The following SERPINI1 variants were observed in gnomAD, a reference collection of about 807,000 sequenced individuals.
SERPINI1 encodes neuroserpin.
In SERPINI1, 19 loss-of-function variants were observed where a neutral mutation model predicts 41.1. The observed-to-expected ratio is 0.46, with a 90% CI of 0.32 to 0.68. The LOEUF is 0.68. Ranked by LOEUF, SERPINI1 falls within the 30% of genes least tolerant of loss-of-function variation. SERPINI1 has a pLI of 0.03. For missense variants in SERPINI1, 460 were observed against 479.2 expected (o/e 0.96, Z 0.37); for synonymous variants, 138 against 156.6 (o/e 0.88, Z 0.89).
chr3:167,769,475 T>C (rs1469059633), intron 1 of SERPINI1, among the ~76,000 whole-genome samples: 1 of 152,240 alleles, frequency 6.6e-6, no homozygotes, highest in Non-Finnish European at 1.5e-5. Flanking sequence ...TTTTTGACTA[T>C]TTAAAGATCT....
rs1157930152 is a variant in SERPINI1 at position 167,772,881 on chromosome 3, TATATATATATATACACACACACAC to T, written c.-18-16228_-18-16205del. ...CTCTCTCTCTATATATATATATATA[TATATATATATATACACACACACAC>T]ACACACACACACACACATGCATATA... On this transcript the variant is annotated intron_variant, in intron 1 of 8. Transcript: ENST00000446050. 1.1e-3 allele frequency among the ~76,000 whole-genome samples: 77 copies of T among 68,720 alleles called. 5 individuals carry two copies. The highest frequency in any genetic ancestry group is 4.5e-3 in the African/African-American group (68 of 14,974). 45.1% of individuals were successfully genotyped at this position (68,720 alleles called of 152,430 possible). A position where few individuals can be genotyped will look rare whatever the true frequency, so the allele number is the denominator to read the frequency against.
chr3:167,800,229 T>A (rs1727857797), intron 5 of SERPINI1: 1 of 152,074 alleles, frequency 6.6e-6, no homozygotes, highest in Non-Finnish European at 1.5e-5. Context: ...CTTCCATTTA[T>A]CCATGGTAGC....
At chr3:167,799,140 C>T (rs1407156091) in intron 5 of SERPINI1, among the ~76,000 whole-genome samples, 1 of 151,906 alleles carries the variant, frequency 6.6e-6, no homozygotes, top group Non-Finnish European at 1.5e-5. Context: ...TTTGCTGCAC[C>T]CATCAACCCA....
intron 1 of SERPINI1, among the ~76,000 whole-genome samples, chr3:167,771,832 C>CGT (rs1302651144): frequency 5.9e-5 from 9 of 151,560 alleles, no homozygotes; most frequent in African/African-American, 2.2e-4. Flanking sequence ...TGTGTGTGTG[C>CGT]GCGTGTGTGT....
At chr3:167,815,748 G>GC (rs1712060412) in intron 6 of SERPINI1, among the ~76,000 whole-genome samples, 1 of 152,090 alleles carries the variant, frequency 6.6e-6, no homozygotes, top group Non-Finnish European at 1.5e-5. Flanking sequence ...TTTTCTGAAG[G>GC]CTGATTGTCT....
At position 167,759,305 on chromosome 3, in the gene SERPINI1, G is replaced by A. The variant is rs192082007; in HGVS notation, c.-19+23482G>A. Among the ~76,000 whole-genome samples, 469 of 150,908 alleles carry A rather than the reference G, an allele frequency of 3.1e-3. 2 individuals carry two copies. Among genetic ancestry groups the A allele is most frequent in the African/African-American group, 0.011 (451 of 41,064 alleles). ...GGAAAATAAATCATTTTATCAAAAA[G>A]ACACCTTACTCATATGTTTATCACA... is the stretch of plus-strand genomic sequence containing the variant. On this transcript the variant is annotated intron_variant, in intron 1 of 8. Coordinates refer to ENST00000446050, the MANE Select transcript of SERPINI1 (RefSeq NM_001122752.2).
In SERPINI1 at chr3:167,771,590, C is replaced by G. The variant is rs1295618771; in HGVS notation, c.-18-17521C>G. 3.9e-5 allele frequency among the ~76,000 whole-genome samples: 6 copies of G among 152,162 alleles called. No individual in the cohort carries two copies. The East Asian group carries it at 1.2e-3, about 29-fold the overall frequency. On this transcript the variant is annotated intron_variant, in intron 1 of 8. Coordinates refer to ENST00000446050, the MANE Select transcript of SERPINI1 (RefSeq NM_001122752.2). ...CTATATACCTTTTTATAACTTTTGC[C>G]TTTGTGCTCTGTTAGTGTTTTACCT...
At chr3:167,817,003 A>G (rs1289336322) in intron 6 of SERPINI1, among the ~76,000 whole-genome samples, 2 of 152,000 alleles carry the variant, frequency 1.3e-5, no homozygotes, top group Non-Finnish European at 2.9e-5. Flanking sequence ...CTGAGCAGGT[A>G]TGGAGGTTTG....
At chr3:167,811,359 C>G (rs1438802324) in intron 6 of SERPINI1, among the ~76,000 whole-genome samples, 1 of 149,544 alleles carries the variant, frequency 6.7e-6, no homozygotes, top group Non-Finnish European at 1.5e-5. Context: ...AAATCCTATA[C>G]TGGAGAAAGC....
chr3:167,804,940 A>G (rs1026556132), intron 5 of SERPINI1, among the ~76,000 whole-genome samples: 2 of 152,184 alleles, frequency 1.3e-5, no homozygotes, highest in African/African-American at 2.4e-5. Flanking sequence ...GGAAGAGTCC[A>G]TATTAAGACC....
chr3:167,776,597 A>G (rs180907961), intron 1 of SERPINI1, among the ~76,000 whole-genome samples: 88 of 152,318 alleles, frequency 5.8e-4, no homozygotes, highest in Non-Finnish European at 9.1e-4. Flanking sequence ...TAAACACTTG[A>G]ATTATGGGCT....
intron 1 of SERPINI1, among the ~76,000 whole-genome samples, chr3:167,737,027 G>C (rs1019997511): frequency 6.6e-6 from 1 of 151,674 alleles, no homozygotes; most frequent in African/African-American, 2.4e-5. Context: ...TTAATAACCA[G>C]GGTCAATAAA....
chr3:167,797,750 T>TA (rs1553775230), intron 5 of SERPINI1, among the ~76,000 whole-genome samples: 4 of 151,582 alleles, frequency 2.6e-5, no homozygotes, highest in African/African-American at 4.8e-5. Context: ...GTTTTTTTTT[T>TA]ATGTATGATA....
intron 5 of SERPINI1, among the ~76,000 whole-genome samples, chr3:167,801,801 C>A (rs1255991757): frequency 6.6e-6 from 1 of 152,010 alleles, no homozygotes; most frequent in Admixed American, 6.6e-5. Context: ...CAATAGTTTG[C>A]TTTTTAAAAA....
chr3:167,818,460 C>T (rs1712199902), intron 6 of SERPINI1, among the ~76,000 whole-genome samples: 1 of 151,976 alleles, frequency 6.6e-6, no homozygotes, highest in African/African-American at 2.4e-5. Flanking sequence ...ACATTTACTG[C>T]AGAAAATTAT....
chr3:167,779,860 G>A (rs1263026640), intron 1 of SERPINI1, among the ~76,000 whole-genome samples: 1 of 152,078 alleles, frequency 6.6e-6, no homozygotes, highest in Non-Finnish European at 1.5e-5. Context: ...GGTATGGGAA[G>A]GGTCACAGTG....
rs1337158277 is a variant in SERPINI1 at position 167,772,883 on chromosome 3, TATATATATATACACACACACACAC to T, written c.-18-16226_-18-16203del. On this transcript the variant is annotated intron_variant, in intron 1 of 8. Transcript: ENST00000446050. ...CTCTCTCTATATATATATATATATA[TATATATATATACACACACACACAC>T]ACACACACACACACATGCATATATA... Among the ~76,000 whole-genome samples, 16 of 70,944 alleles carry T rather than the reference TATATATATATACACACACACACAC, an allele frequency of 2.3e-4. 1 individual carries two copies. Among genetic ancestry groups the T allele is most frequent in the East Asian group, 7.5e-4 (2 of 2,670 alleles). The allele number at this position is 70,944 out of a possible 152,430, so 46.5% of individuals were successfully genotyped here. A position where few individuals can be genotyped will look rare whatever the true frequency, so the allele number is the denominator to read the frequency against.
intron 6 of SERPINI1, among the ~76,000 whole-genome samples, chr3:167,809,470 G>A (rs1711789173): frequency 6.6e-6 from 1 of 152,188 alleles, no homozygotes; most frequent in South Asian, 2.1e-4. Context: ...ATCAATTATT[G>A]TGGTCAGTGT....
At chr3:167,782,596 C>T (rs1727173014) in intron 1 of SERPINI1, among the ~76,000 whole-genome samples, 1 of 152,104 alleles carries the variant, frequency 6.6e-6, no homozygotes, top group African/African-American at 2.4e-5. Flanking sequence ...AATATCCTTC[C>T]ATTTGTGTCC....
Sources: allele counts gnomAD v4.1 joint callset (sites outside exome capture counted in the v4.1 genomes callset), GRCh38; gene constraint gnomAD v4.1.1; transcripts MANE v1.5; gene names NCBI Gene and HGNC (gene_info 2026-07-23, HGNC 2026-07-21).